The following SLC17A4 variants were observed in gnomAD, a reference collection of about 807,000 sequenced individuals.
The protein encoded by SLC17A4 is solute carrier family 17 member 4.
Under a neutral mutation model 52.5 loss-of-function variants are expected in SLC17A4, and 33 were observed. That is an observed-to-expected ratio of 0.63 (90% CI 0.48 to 0.84). SLC17A4 has a LOEUF of 0.84. Ranked by LOEUF, SLC17A4 falls within the 40% of genes least tolerant of loss-of-function variation. SLC17A4 has a pLI of 0.00. For synonymous variants in SLC17A4, 225 were observed against 216.2 expected (o/e 1.04, Z -0.36); for missense variants, 585 against 597.1 (o/e 0.98, Z 0.21).
At chr6:25,773,731 C>T in intron 8 of SLC17A4, 57 bp downstream of exon 8, 1 of 1,559,890 alleles carries the variant, frequency 6.4e-7, no homozygotes, top group East Asian at 2.2e-5. Context: ...ATAATGAGAG[C>T]TCATATATAA....
chr6:25,770,425 G>A lies in SLC17A4; in HGVS notation c.573G>A (p.Trp191Ter). The change falls in exon 5 of 12, where the codon TGG (tryptophan) becomes TGA (stop). Residue 191 changes from tryptophan to a stop codon, truncating the protein, a stop_gained. Coordinates refer to ENST00000377905, the MANE Select transcript of SLC17A4 (RefSeq NM_005495.3). LOFTEE classifies it high-confidence loss of function. ...GTCAGTATTCAATTTGGGTCAAATG[G>A]GCTCCCCCACTGGAAAGGAGTCAAC... is the stretch of plus-strand genomic sequence containing the variant. ...LTGQYSIWVK[W>*]APPLERSQLT... 1 of 1,613,992 alleles carries A rather than the reference G, an allele frequency of 6.2e-7. No individual in the cohort carries two copies. The highest frequency in any genetic ancestry group is 8.5e-7 in the Non-Finnish European group (1 of 1,179,980).
intron 1 of SLC17A4, among the ~76,000 whole-genome samples, chr6:25,758,141 T>C (rs1413824759): frequency 6.6e-6 from 1 of 152,184 alleles, no homozygotes; most frequent in African/African-American, 2.4e-5. Context: ...TTCTGAGGCA[T>C]GTGTCACTCA....
chr6:25,779,115 T>G lies in SLC17A4; in HGVS notation c.1421T>G (p.Leu474Arg). 6.2e-7 allele frequency: 1 copy of G among 1,613,956 alleles called. No individual in the cohort carries two copies. The highest frequency in any genetic ancestry group is 1.7e-4 in the Middle Eastern group (1 of 6,060). ...LLSAAVNISGLVFYLIFGRAD... is the reference protein window; with the variant it reads ...LLSAAVNISGRVFYLIFGRAD... The stretch of plus-strand genomic sequence containing the variant: ...TCAGCTGCTGTTAACATATCGGGCC[T>G]GGTTTTCTACCTCATCTTTGGCCGA... The change falls in exon 12 of 12, where the codon CTG becomes CGG. Residue 474 changes from leucine (L) to arginine (R), a missense_variant. Transcript: ENST00000377905.
At chr6:25,778,098 C>T in intron 11 of SLC17A4, 82 bp downstream of exon 11, 1 of 965,962 alleles carries the variant, frequency 1.0e-6, no homozygotes, top group Non-Finnish European at 1.6e-6. Context: ...GCCTTGTATC[C>T]TAGAAGATGC....
At chr6:25,778,126 A>G in intron 11 of SLC17A4, 110 bp downstream of exon 11, 2 of 681,604 alleles carry the variant, frequency 2.9e-6, no homozygotes, top group Non-Finnish European at 4.8e-6. Context: ...GTAGTCAAAA[A>G]TAAACTAATT....
intron 5 of SLC17A4, 87 bp downstream of exon 5, chr6:25,770,558 C>A: frequency 8.4e-7 from 1 of 1,193,934 alleles, no homozygotes; most frequent in South Asian, 1.2e-5. Context: ...TCTTATATAT[C>A]AATCTCTGTG....
chr6:25,776,062 T>C (rs2154218), intron 8 of SLC17A4, among the ~76,000 whole-genome samples: 45,310 of 151,926 alleles, frequency 0.3, 7,728 homozygotes, highest in East Asian at 0.74. Context: ...CTATAAACTT[T>C]TATATTTGTT....
intron 8 of SLC17A4, among the ~76,000 whole-genome samples, chr6:25,776,043 GT>G (rs1399475690): frequency 6.6e-6 from 1 of 151,988 alleles, no homozygotes; most frequent in Admixed American, 6.6e-5. Flanking sequence ...GAGTCAAAGG[GT>G]AAATGCACTA....
Position 25,776,649 on chromosome 6 carries a change from G to A in SLC17A4, c.1042G>A (p.Gly348Arg), listed in dbSNP as rs376955338. 317 of 1,613,614 alleles carry A rather than the reference G, an allele frequency of 2.0e-4. 1 individual carries two copies. Among genetic ancestry groups the A allele is most frequent in the Non-Finnish European group, 2.5e-4 (296 of 1,179,826 alleles). The change falls in exon 9 of 12, where the codon GGA becomes AGA. Residue 348 changes from glycine (G) to arginine (R), a missense_variant. Physicochemically the swap from Gly to Arg is moderately radical, Grantham distance 125. Transcript: ENST00000377905. ...TGTTGGATGTATCTGCATTATCCTTGGAGGTCTACTGGCAGACTTTCTTCT... is the reference window on the plus strand; with the variant it reads ...TGTTGGATGTATCTGCATTATCCTTAGAGGTCTACTGGCAGACTTTCTTCT... ...FVVGCICIIL[G>R]GLLADFLLSR...
chr6:25,767,370 A>T (rs1762109442), intron 2 of SLC17A4, among the ~76,000 whole-genome samples: 1 of 152,168 alleles, frequency 6.6e-6, no homozygotes, highest in Non-Finnish European at 1.5e-5. Flanking sequence ...GTAGGCTATT[A>T]TAATTATAAT....
chr6:25,770,996 C>G lies in SLC17A4; in HGVS notation c.690C>G (p.Tyr230Ter), dbSNP rs781444868. ...GLLCQTIGWP[Y>*]VFYIFGGIGC... Reference sequence around the variant, plus strand: ...TCTGCCAGACCATAGGATGGCCTTACGTCTTCTATATCTTTGGTGAGTGTG... The same window carrying G: ...TCTGCCAGACCATAGGATGGCCTTAGGTCTTCTATATCTTTGGTGAGTGTG... The change falls in exon 6 of 12, where the codon TAC becomes TAG. Residue 230 changes from tyrosine to a stop codon, truncating the protein, a stop_gained. Transcript: ENST00000377905. LOFTEE classifies it high-confidence loss of function. 1.9e-6 allele frequency: 3 copies of G among 1,613,618 alleles called. No individual in the cohort carries two copies. Among genetic ancestry groups the G allele is most frequent in the Non-Finnish European group, 2.5e-6 (3 of 1,179,612 alleles).
intron 11 of SLC17A4, among the ~76,000 whole-genome samples, chr6:25,778,584 G>A (rs919851027): frequency 6.6e-6 from 1 of 152,076 alleles, no homozygotes; most frequent in Non-Finnish European, 1.5e-5. Flanking sequence ...CTATTTAAGT[G>A]AATGAAACAC....
Position 25,777,746 on chromosome 6 carries a change from T to G in SLC17A4, c.1269-180T>G, listed in dbSNP as rs2151464196. ...CTAATCATTGGTCAGTACATTTCAT[T>G]CAGGTTTCACCAAGGCTTACACAAT... On this transcript the variant is annotated intron_variant, in intron 10 of 11. Coordinates refer to ENST00000377905, the MANE Select transcript of SLC17A4 (RefSeq NM_005495.3). 6 of 578,046 alleles carry G rather than the reference T, an allele frequency of 1.0e-5. No homozygotes were observed. In the East Asian group the frequency reaches 1.7e-4, roughly 16 times the overall value. The allele number at this position is 578,046 out of a possible 1,614,324, so 35.8% of individuals were successfully genotyped here.
At chr6:25,761,839 C>A in intron 1 of SLC17A4, 88 bp from the exon 2 acceptor site, 1 of 706,266 alleles carries the variant, frequency 1.4e-6, no homozygotes, top group Non-Finnish European at 2.3e-6. Flanking sequence ...TCTTATACAG[C>A]AACATTTGCT....
In SLC17A4 at chr6:25,777,983, C is replaced by T; in HGVS notation, c.1326C>T (p.Ile442=). 1 of 1,612,934 alleles carries T rather than the reference C, an allele frequency of 6.2e-7. No homozygotes were observed. Among genetic ancestry groups the T allele is most frequent in the East Asian group, 2.2e-5 (1 of 44,866 alleles). ...TCTTTGCACACATAGCTGGAGCCAT[C>T]TCTCCTACTGCTGCTGGATTTTTCA... ...LQVFAHIAGA[I]SPTAAGFFIS... The change falls in exon 11 of 12, where the codon ATC becomes ATT. Residue 442 remains isoleucine (I), a synonymous_variant. Coordinates refer to ENST00000377905, the MANE Select transcript of SLC17A4 (RefSeq NM_005495.3).
Position 25,776,903 on chromosome 6 carries a change from C to T in SLC17A4, c.1212C>T (p.Ala404=). The T allele has an allele frequency of 6.2e-7, 1 of 1,613,838 alleles. No homozygotes were observed. ...TGACCTTCTTGGTGCTGTCTTCTGCCATCAGCAGCTTCTGTGAATCAGGAG... is the reference window on the plus strand; with the variant it reads ...TGACCTTCTTGGTGCTGTCTTCTGCTATCAGCAGCTTCTGTGAATCAGGAG... The part of the protein sequence containing the change: ...MTMTFLVLSS[A]ISSFCESGAL... Residue 404 remains alanine (A), a synonymous_variant, in exon 10 of 12, where the codon GCC becomes GCT. Coordinates refer to ENST00000377905, the MANE Select transcript of SLC17A4 (RefSeq NM_005495.3).
chr6:25,775,966 A>G (rs778560531), intron 8 of SLC17A4, among the ~76,000 whole-genome samples: 1 of 152,146 alleles, frequency 6.6e-6, no homozygotes, highest in Non-Finnish European at 1.5e-5. Flanking sequence ...CTGCAGTGAA[A>G]ACCTTGTTCA....
intron 10 of SLC17A4, 98 bp from the exon 11 acceptor site, chr6:25,777,828 T>A: frequency 1.0e-6 from 1 of 970,332 alleles, no homozygotes; most frequent in South Asian, 1.4e-5. Context: ...ATATTAACCC[T>A]TTGTTTGCAC....
intron 3 of SLC17A4, 130 bp downstream of exon 3, chr6:25,769,320 G>A (rs1762278583): frequency 1.1e-6 from 1 of 872,878 alleles, no homozygotes; most frequent in Non-Finnish European, 1.7e-6. Context: ...AATGGCACAA[G>A]TACCTAAGTA....
Sources: allele counts gnomAD v4.1 joint callset (sites outside exome capture counted in the v4.1 genomes callset), GRCh38; gene constraint gnomAD v4.1.1; transcripts MANE v1.5; gene names NCBI Gene and HGNC (gene_info 2026-07-23, HGNC 2026-07-21).